AGAP1: variants seen among roughly 807,000 people sequenced by gnomAD.
AGAP1 encodes ArfGAP with GTPase domain, ankyrin repeat and PH domain 1.
AGAP1 carries 29 observed loss-of-function variants against 105.3 expected under a neutral mutation model. The observed-to-expected ratio is 0.28, with a 90% CI of 0.21 to 0.38. AGAP1 has a LOEUF of 0.38. Among genes scored for constraint, AGAP1 ranks in the 10% least tolerant of loss-of-function variants. The probability of loss-of-function intolerance (pLI) is 1.00; values close to 1 mark genes in which losing one functional copy is unlikely to be tolerated. For synonymous variants in AGAP1, 509 were observed against 485.9 expected, an observed-to-expected ratio of 1.05 and a Z score of -0.63; for missense variants, 998 against 1,165.1, an observed-to-expected ratio of 0.86 and a Z score of 2.09.
chr2:236,096,565 GTTTTA>G lies in AGAP1; in HGVS notation c.2115-23622_2115-23618del, dbSNP rs988541734. Among the ~76,000 whole-genome samples the G allele has an allele frequency of 6.6e-6, 1 of 151,650 alleles. No homozygotes were observed. The highest frequency in any genetic ancestry group is 2.4e-5 in the African/African-American group (1 of 41,314). The stretch of plus-strand genomic sequence containing the variant: ...AATGCCAGTGCAGACAAATGATGCA[GTTTTA>G]TTTTTTATTTATTTTTTATTTTTTT... On this transcript the variant is annotated intron_variant, in intron 16 of 17. Coordinates refer to ENST00000304032, the MANE Select transcript of AGAP1 (RefSeq NM_001037131.3). This position sits in a 1 kb window ranked among gnomAD's most constrained non-coding sequence, Gnocchi z 4.4.
intron 1 of AGAP1, among the ~76,000 whole-genome samples, chr2:235,661,077 A>G (rs984993075): frequency 1.3e-5 from 2 of 152,108 alleles, no homozygotes; most frequent in African/African-American, 4.8e-5. Flanking sequence ...AGGAGTAAGG[A>G]TGGTTTACTG....
Position 236,090,632 on chromosome 2 carries a change from T to C in AGAP1, c.2115-29560T>C, listed in dbSNP as rs924524865. ...TGTTATTTTCATCACTTTTGGATAT[T>C]GAAAGCTAGCAGGGAGGGGGTCTTC... is the stretch of plus-strand genomic sequence containing the variant. On this transcript the variant is annotated intron_variant, in intron 16 of 17. Transcript: ENST00000304032. This position sits in a 1 kb window ranked among gnomAD's most constrained non-coding sequence, Gnocchi z 4.3. Among the ~76,000 whole-genome samples the C allele has an allele frequency of 6.6e-6, 1 of 152,176 alleles. No homozygotes were observed. The highest frequency in any genetic ancestry group is 1.5e-5 in the Non-Finnish European group (1 of 68,028).
At position 235,754,827 on chromosome 2, in the gene AGAP1, G is replaced by A. The variant is rs1014738749; in HGVS notation, c.673+4339G>A. Among the ~76,000 whole-genome samples the A allele has an allele frequency of 6.6e-6, 1 of 152,228 alleles. No individual in the cohort carries two copies. The highest frequency in any genetic ancestry group is 2.4e-5 in the African/African-American group (1 of 41,454). ...AGGGTCCCTTCCTCCGTGAAGTTAA[G>A]GTCCACTAGGGAGGGTAAACATCAA... On this transcript the variant is annotated intron_variant, in intron 6 of 17. Transcript: ENST00000304032. This position sits in a 1 kb window ranked among gnomAD's most constrained non-coding sequence, Gnocchi z 4.6.
chr2:236,098,244 G>A (rs756116760), intron 16 of AGAP1, among the ~76,000 whole-genome samples: 8 of 152,056 alleles, frequency 5.3e-5, no homozygotes, highest in Admixed American at 3.3e-4. Context: ...ACGCTGAACC[G>A]TCATACCGGT....
intron 15 of AGAP1, among the ~76,000 whole-genome samples, chr2:236,041,578 A>G (rs1242486451): frequency 6.6e-6 from 1 of 152,170 alleles, no homozygotes; most frequent in Non-Finnish European, 1.5e-5. Flanking sequence ...ACTTATTTTC[A>G]TGGTTGCAGT....
chr2:236,073,524 A>T lies in AGAP1; in HGVS notation c.2114+24243A>T, dbSNP rs976568474. 6.6e-6 allele frequency among the ~76,000 whole-genome samples: 1 copy of T among 152,214 alleles called. No individual in the cohort carries two copies. The highest frequency in any genetic ancestry group is 1.5e-5 in the Non-Finnish European group (1 of 68,046). On this transcript the variant is annotated intron_variant, in intron 16 of 17. Transcript: ENST00000304032. This position sits in a 1 kb window ranked among gnomAD's most constrained non-coding sequence, Gnocchi z 5.4. The stretch of plus-strand genomic sequence containing the variant: ...AGCTGGGGACTGGAGATATTGGATT[A>T]TACCATCTTGGTGTTGCGCCAGTCA...
intron 16 of AGAP1, among the ~76,000 whole-genome samples, chr2:236,091,902 G>A (rs905166990): frequency 6.6e-6 from 1 of 152,220 alleles, no homozygotes; most frequent in Non-Finnish European, 1.5e-5. Context: ...TAAACAAGCT[G>A]TAGACCATCC....
rs201842555 is a variant in AGAP1 at position 235,882,392 on chromosome 2, G to T, written c.1051-953G>T. 69 of 1,560,094 alleles carry T rather than the reference G, an allele frequency of 4.4e-5. No homozygotes were observed. The East Asian group carries it at 1.6e-3, about 36-fold the overall frequency. On this transcript the variant is annotated intron_variant, in intron 9 of 17. Coordinates refer to ENST00000304032, the MANE Select transcript of AGAP1 (RefSeq NM_001037131.3). This position sits in a 1 kb window ranked among gnomAD's most constrained non-coding sequence, Gnocchi z 4.6. ...AAATTTCACTCCGCTTCTGCCCAGT[G>T]GTCTCTTTGGTCGGCAGGGTGTTCT...
chr2:236,065,686 ACAT>A, intron 16 of AGAP1, among the ~76,000 whole-genome samples: 1 of 152,358 alleles, frequency 6.6e-6, no homozygotes, highest in East Asian at 1.9e-4. Context: ...TTGCCGGAAC[ACAT>A]CATCTCCATC....
Position 235,721,811 on chromosome 2 carries a change from T to C in AGAP1, c.310+4167T>C, listed in dbSNP as rs142286124. On this transcript the variant is annotated intron_variant, in intron 3 of 17. Transcript: ENST00000304032. This position sits in a 1 kb window ranked among gnomAD's most constrained non-coding sequence, Gnocchi z 4.5. ...TCCTGTCTTCAGGGGAGAGCTCTCT[T>C]GTGGTAGAAACATTTCTGGTGCAGA... Among the ~76,000 whole-genome samples, 3,838 of 152,078 alleles carry C rather than the reference T, an allele frequency of 0.025. 157 individuals carry two copies. The highest frequency in any genetic ancestry group is 0.08 in the African/African-American group (3,316 of 41,466).
At chr2:235,828,861 G>T (rs1289599660) in intron 9 of AGAP1, among the ~76,000 whole-genome samples, 2 of 152,186 alleles carry the variant, frequency 1.3e-5, no homozygotes, top group Non-Finnish European at 2.9e-5. Context: ...CCATTTGAAC[G>T]TGCAATGGAT....
At chr2:235,518,589 C>T (rs543259861) in intron 1 of AGAP1, among the ~76,000 whole-genome samples, 64 of 152,180 alleles carry the variant, frequency 4.2e-4, no homozygotes, top group Non-Finnish European at 4.3e-4. Flanking sequence ...GGGAGGGGCA[C>T]GGAGCTTTGC....
At chr2:235,646,072 C>T (rs546990911) in intron 1 of AGAP1, among the ~76,000 whole-genome samples, 3 of 152,054 alleles carry the variant, frequency 2.0e-5, no homozygotes, top group East Asian at 3.9e-4. Context: ...GTCAGAAGTT[C>T]GAGACCAGCC....
At chr2:236,057,323 G>A (rs1170611880) in intron 16 of AGAP1, among the ~76,000 whole-genome samples, 1 of 152,170 alleles carries the variant, frequency 6.6e-6, no homozygotes, top group Admixed American at 6.5e-5. Context: ...TAGCCAGGCT[G>A]GTCTCAAACT....
intron 9 of AGAP1, among the ~76,000 whole-genome samples, chr2:235,829,586 T>C (rs1174878787): frequency 6.6e-6 from 1 of 152,248 alleles, no homozygotes; most frequent in Non-Finnish European, 1.5e-5. Context: ...TGTGAAAAAT[T>C]AATCATGATG....
chr2:235,841,400 G>A (rs570135207), intron 9 of AGAP1, among the ~76,000 whole-genome samples: 1 of 152,282 alleles, frequency 6.6e-6, no homozygotes, highest in African/African-American at 2.4e-5. Context: ...AGGCCAAGGC[G>A]AGTGGATCCC....
chr2:236,120,535 A>T lies in AGAP1; in HGVS notation c.2370+88A>T. 6.4e-7 allele frequency: 1 copy of T among 1,573,312 alleles called. No individual in the cohort carries two copies. Among genetic ancestry groups the T allele is most frequent in the Non-Finnish European group, 8.6e-7 (1 of 1,162,398 alleles). The stretch of plus-strand genomic sequence containing the variant: ...CTTCCGTGGGCATCTTTCTGGCAGA[A>T]GGCTGTTGTTCTCGATCTGCAAGTG... On this transcript the variant is annotated intron_variant, in intron 17 of 17. Coordinates refer to ENST00000304032, the MANE Select transcript of AGAP1 (RefSeq NM_001037131.3). This position sits in a 1 kb window ranked among gnomAD's most constrained non-coding sequence, Gnocchi z 6.0.
At chr2:235,652,001 T>C (rs1216894291) in intron 1 of AGAP1, among the ~76,000 whole-genome samples, 2 of 152,202 alleles carry the variant, frequency 1.3e-5, no homozygotes, top group African/African-American at 4.8e-5. Flanking sequence ...GGCACCCCTT[T>C]TGTTTTTTGA....
Position 235,753,845 on chromosome 2 carries a change from T to G in AGAP1, c.673+3357T>G, listed in dbSNP as rs1015525628. On this transcript the variant is annotated intron_variant, in intron 6 of 17. Transcript: ENST00000304032. The surrounding 1 kb of genome is among the most constrained non-coding windows in gnomAD (Gnocchi z 4.5). ...CATTTTTAAAATAAAATCAGTTACT[T>G]TGTATATTTTATATCATAGTTATAT... is the stretch of plus-strand genomic sequence containing the variant. 1.3e-5 allele frequency among the ~76,000 whole-genome samples: 2 copies of G among 152,204 alleles called. No homozygotes were observed. Among genetic ancestry groups the G allele is most frequent in the Non-Finnish European group, 2.9e-5 (2 of 68,028 alleles).
Sources: gnomAD v4.1 joint callset for allele counts (sites outside exome capture counted in the v4.1 genomes callset) on GRCh38, gnomAD v4.1.1 for gene constraint, Gnocchi (gnomAD v3.1) non-coding constraint, MANE v1.5 for transcripts, NCBI Gene and HGNC (gene_info 2026-07-23, HGNC 2026-07-21) for gene names.